ARHGAP20: variants seen among roughly 807,000 people sequenced by gnomAD.
ARHGAP20 encodes the protein Rho GTPase activating protein 20.
In ARHGAP20, 34 loss-of-function variants were observed where a neutral mutation model predicts 73.7. The ratio of observed to expected loss-of-function variants is 0.46; its 90% CI spans 0.35 to 0.61. The LOEUF (loss-of-function observed/expected upper bound fraction) is 0.61. ARHGAP20 is among the 20% of genes least tolerant of loss of function. The pLI, the probability that ARHGAP20 is intolerant of heterozygous loss-of-function variation, is 0.00. For missense variants in ARHGAP20, 1,314 were observed against 1,420.9 expected, an observed-to-expected ratio of 0.92 and a Z score of 1.21; for synonymous variants, 523 against 518.2, an observed-to-expected ratio of 1.01 and a Z score of -0.13.
intron 3 of ARHGAP20, among the ~76,000 whole-genome samples, chr11:110,628,720 C>T (rs563419012): frequency 2.6e-5 from 4 of 151,872 alleles, no homozygotes; most frequent in East Asian, 1.9e-4. Flanking sequence ...TTTCACTTCA[C>T]GAAAACATTA....
rs1314213795 is a variant in ARHGAP20, at chr11:110,712,362, G to A, written c.-131C>T. The A allele has an allele frequency of 6.1e-6, 4 of 651,044 alleles. No individual in the cohort carries two copies. The highest frequency in any genetic ancestry group is 1.9e-5 in the African/African-American group (1 of 52,226). 40.3% of individuals were successfully genotyped at this position (651,044 alleles called of 1,614,324 possible). ...GTGCTCAGGCAGGGAGCCGAGCTCC[G>A]GGTGCTCGCCGCGCGCCTCCCGTCG... On this transcript the variant is annotated 5_prime_UTR_variant, in exon 1 of 15. Coordinates refer to ENST00000683387, the MANE Select transcript of ARHGAP20 (RefSeq NM_001384657.1).
In ARHGAP20 at chr11:110,686,940, A is replaced by G. The variant is rs138943865; in HGVS notation, c.188+3607T>C. Among the ~76,000 whole-genome samples the G allele has an allele frequency of 2.4e-3, 368 of 151,688 alleles. 2 individuals carry two copies. The highest frequency in any genetic ancestry group is 4.3e-3 in the Non-Finnish European group (289 of 67,924). The stretch of plus-strand genomic sequence containing the variant: ...AGTAAAAGCATAATCTCATCTTTAT[A>G]AGATTATGAGAGAGGTGAAGGTCCT... On this transcript the variant is annotated intron_variant, in intron 2 of 14. Transcript: ENST00000683387.
rs775426572 is a variant in ARHGAP20 at position 110,580,247 on chromosome 11, T to C, written c.2699A>G (p.Asn900Ser). ...CTCAATCCCCATGACTAAACTCTGA[T>C]TAATGAGCTTCTGCCCCTCCATTTG... ...SLQMEGQKLI[N>S]QSLVMGIEVG... is the part of the protein sequence containing the mutation. Residue 900 changes from asparagine to serine, a missense_variant, in exon 15 of 15, where the codon AAT becomes AGT. Asn to Ser is a conservative substitution (Grantham distance 46). Coordinates refer to ENST00000683387, the MANE Select transcript of ARHGAP20 (RefSeq NM_001384657.1). 1 of 1,614,246 alleles carries C rather than the reference T, an allele frequency of 6.2e-7. No individual in the cohort carries two copies. Among genetic ancestry groups the C allele is most frequent in the South Asian group, 1.1e-5 (1 of 91,086 alleles).
chr11:110,689,902 ACTTTCCTTC>A (rs1271002145), intron 2 of ARHGAP20, among the ~76,000 whole-genome samples: 1 of 151,684 alleles, frequency 6.6e-6, no homozygotes, highest in African/African-American at 2.4e-5. Flanking sequence ...TTCAAGTTGT[ACTTTCCTTC>A]CTTTCCTTCC....
chr11:110,703,881 A>C (rs1950505073), intron 1 of ARHGAP20, among the ~76,000 whole-genome samples: 1 of 152,120 alleles, frequency 6.6e-6, no homozygotes, highest in Admixed American at 6.6e-5. Flanking sequence ...TTTTTCACAT[A>C]ATGTTCCATA....
upstream of ARHGAP20, chr11:110,712,464 G>T (rs1264592485): frequency 1.1e-5 from 2 of 176,388 alleles, no homozygotes; most frequent in African/African-American, 4.8e-5. Flanking sequence ...CAGCGCCGCG[G>T]CCCGCCCCGC....
chr11:110,682,471 G>C (rs950362075), intron 2 of ARHGAP20, among the ~76,000 whole-genome samples: 1 of 152,112 alleles, frequency 6.6e-6, no homozygotes, highest in African/African-American at 2.4e-5. Context: ...TGGTTTCAGA[G>C]TCTATGCACT....
chr11:110,656,708 C>A (rs2135028920), intron 2 of ARHGAP20, among the ~76,000 whole-genome samples: 1 of 152,298 alleles, frequency 6.6e-6, no homozygotes, highest in Middle Eastern at 3.4e-3. Flanking sequence ...GTCAACAAAT[C>A]AACTTTTGCA....
At chr11:110,611,089 A>G (rs372091384) in intron 7 of ARHGAP20, among the ~76,000 whole-genome samples, 4 of 152,134 alleles carry the variant, frequency 2.6e-5, no homozygotes, top group African/African-American at 9.6e-5. Flanking sequence ...GTCCAATCTT[A>G]TAATTTTCAG....
chr11:110,627,387 C>T (rs998214628), intron 3 of ARHGAP20, among the ~76,000 whole-genome samples: 1 of 152,168 alleles, frequency 6.6e-6, no homozygotes, highest in Non-Finnish European at 1.5e-5. Flanking sequence ...GCCACTGCGC[C>T]TGGCCAAATT....
Position 110,580,991 on chromosome 11 carries a change from T to A in ARHGAP20, c.1955A>T (p.Lys652Ile). ...AHSKDEDVQM[K>I]RPLESKPVNI... is the part of the protein sequence containing the mutation. ...CACCGGCTTGGATTCAAGAGGCCGT[T>A]TCATTTGAACATCTTCATCTTTAGA... is the stretch of plus-strand genomic sequence containing the variant. Residue 652 changes from lysine (K) to isoleucine (I), a missense_variant, in exon 15 of 15, where the codon AAA becomes ATA. By Grantham distance (102) the Lys-to-Ile change is moderately radical. Around this residue, in one of 3 missense-constraint regions of ARHGAP20, gnomAD observed 230 missense variants for 317.6 expected, o/e 0.72. Coordinates refer to ENST00000683387, the MANE Select transcript of ARHGAP20 (RefSeq NM_001384657.1). The A allele has an allele frequency of 6.2e-7, 1 of 1,614,210 alleles. No individual in the cohort carries two copies. The highest frequency in any genetic ancestry group is 8.5e-7 in the Non-Finnish European group (1 of 1,180,042).
In ARHGAP20 at chr11:110,580,594, A is replaced by T; in HGVS notation, c.2352T>A (p.Gly784=). ...TQNTKKKSLS[G]SEGNHVKLFP... ...AAAGTTTCACGTGATTTCCTTCACT[A>T]CCAGACAAGCTTTTCTTCTTAGTGT... The change falls in exon 15 of 15, where the codon GGT becomes GGA. Residue 784 remains glycine, a synonymous_variant. Coordinates refer to ENST00000683387, the MANE Select transcript of ARHGAP20 (RefSeq NM_001384657.1). 3 of 1,614,214 alleles carry T rather than the reference A, an allele frequency of 1.9e-6. No homozygotes were observed. Among genetic ancestry groups the T allele is most frequent in the Non-Finnish European group, 2.5e-6 (3 of 1,180,034 alleles).
At position 110,579,419 on chromosome 11, in the gene ARHGAP20, G is replaced by T; in HGVS notation, c.3527C>A (p.Pro1176His). ...LEDATSPDSGPTVVCDIEDRY... is the reference protein window; with the variant it reads ...LEDATSPDSGHTVVCDIEDRY... ...GTCCTCAATGTCGCAGACCACTGTAGGCCCTGAGTCTGGGCTGGTCGCATC... is the reference window on the plus strand; with the variant it reads ...GTCCTCAATGTCGCAGACCACTGTATGCCCTGAGTCTGGGCTGGTCGCATC... Residue 1176 changes from proline to histidine, a missense_variant, in exon 15 of 15, where the codon CCT becomes CAT. Transcript: ENST00000683387. The T allele has an allele frequency of 6.2e-7, 1 of 1,612,440 alleles. No individual in the cohort carries two copies. The highest frequency in any genetic ancestry group is 8.5e-7 in the Non-Finnish European group (1 of 1,178,594).
intron 14 of ARHGAP20, among the ~76,000 whole-genome samples, chr11:110,582,020 G>A (rs1449516308): frequency 6.6e-6 from 1 of 151,820 alleles, no homozygotes; most frequent in Non-Finnish European, 1.5e-5. Flanking sequence ...TATATATTAG[G>A]GTTATTCATA....
rs752771781 is a variant in ARHGAP20 at position 110,606,617 on chromosome 11, A to G, written c.908T>C (p.Met303Thr). The G allele has an allele frequency of 6.2e-7, 1 of 1,611,350 alleles. No homozygotes were observed. The highest frequency in any genetic ancestry group is 1.1e-5 in the South Asian group (1 of 90,936). ...PFLMEQLPRE[M>T]QCQFILKPSR... is the part of the protein sequence containing the mutation. The stretch of plus-strand genomic sequence containing the variant: ...GGGCTTCAGGATGAACTGGCACTGC[A>G]TCTCTCGGGGGAGCTGTTCCATAAG... The change falls in exon 9 of 15, where the codon ATG becomes ACG. Residue 303 changes from methionine to threonine, a missense_variant. Coordinates refer to ENST00000683387, the MANE Select transcript of ARHGAP20 (RefSeq NM_001384657.1).
intron 2 of ARHGAP20, among the ~76,000 whole-genome samples, chr11:110,662,990 G>T (rs1949648470): frequency 1.3e-5 from 2 of 151,952 alleles, no homozygotes; most frequent in Admixed American, 1.3e-4. Context: ...AATTAGAAAA[G>T]TGTTGTAAAC....
intron 12 of ARHGAP20, among the ~76,000 whole-genome samples, chr11:110,585,033 A>ATATGAG (rs1947612424): frequency 9.7e-6 from 1 of 102,674 alleles, no homozygotes; most frequent in Non-Finnish European, 2.3e-5. Context: ...ATGTGAATAT[A>ATATGAG]TGTGAATATA....
chr11:110,628,115 T>C (rs552409046), intron 3 of ARHGAP20, among the ~76,000 whole-genome samples: 1 of 152,210 alleles, frequency 6.6e-6, no homozygotes, highest in African/African-American at 2.4e-5. Context: ...TAGCAGTTGA[T>C]TGATTATTTA....
At chr11:110,618,765 GTAGTGA>G (rs1191665697) in intron 4 of ARHGAP20, among the ~76,000 whole-genome samples, 1 of 108,926 alleles carries the variant, frequency 9.2e-6, no homozygotes. Flanking sequence ...TAGCATATAT[GTAGTGA>G]TAGAGTGTAT....
Sources: allele counts gnomAD v4.1 joint callset (sites outside exome capture counted in the v4.1 genomes callset), GRCh38; gene constraint gnomAD v4.1.1; regional missense constraint gnomAD v4.1.1; transcripts MANE v1.5; gene names NCBI Gene and HGNC (gene_info 2026-07-23, HGNC 2026-07-21).